The following CNTNAP2 variants were observed in gnomAD, a reference collection of about 807,000 sequenced individuals.
CNTNAP2 encodes contactin-associated protein-like 2.
Under a neutral mutation model 155.2 loss-of-function variants are expected in CNTNAP2, and 98 were observed. The observed-to-expected ratio is 0.63, with a 90% CI of 0.54 to 0.75. CNTNAP2 has a LOEUF of 0.75. Among genes scored for constraint, CNTNAP2 ranks in the 30% least tolerant of loss-of-function variants. CNTNAP2 has a pLI of 0.00. For synonymous variants in CNTNAP2, 651 were observed against 631.2 expected (o/e 1.03, Z -0.47); for missense variants, 1,727 against 1,688.1 (o/e 1.02, Z -0.40).
At chr7:147,068,279 A>G (rs559508329) in intron 4 of CNTNAP2, among the ~76,000 whole-genome samples, 26 of 152,334 alleles carry the variant, frequency 1.7e-4, no homozygotes, top group African/African-American at 6.0e-4. Context: ...TGGCCAATCA[A>G]ACATTAACTT....
At chr7:146,885,751 G>A (rs947565434) in intron 3 of CNTNAP2, among the ~76,000 whole-genome samples, 5 of 152,066 alleles carry the variant, frequency 3.3e-5, no homozygotes, top group African/African-American at 7.2e-5. Flanking sequence ...TTCAATTACC[G>A]TATTGTCTTG....
At chr7:148,238,394 G>T (rs1302159717) in intron 20 of CNTNAP2, among the ~76,000 whole-genome samples, 1 of 152,202 alleles carries the variant, frequency 6.6e-6, no homozygotes, top group Non-Finnish European at 1.5e-5. Flanking sequence ...GTGCTCACAA[G>T]AGACATGATC....
At chr7:146,522,742 A>G (rs1056853588) in intron 1 of CNTNAP2, among the ~76,000 whole-genome samples, 10 of 150,306 alleles carry the variant, frequency 6.7e-5, no homozygotes, top group African/African-American at 2.4e-4. Context: ...ATGCAAAATA[A>G]TATCTATTAT....
At chr7:147,963,065 C>A (rs1801140175) in intron 14 of CNTNAP2, among the ~76,000 whole-genome samples, 1 of 151,972 alleles carries the variant, frequency 6.6e-6, no homozygotes, top group Non-Finnish European at 1.5e-5. Context: ...TATTATTATA[C>A]CACTGCAATA....
intron 1 of CNTNAP2, among the ~76,000 whole-genome samples, chr7:146,340,516 T>C (rs1801364037): frequency 6.6e-6 from 1 of 152,018 alleles, no homozygotes; most frequent in African/African-American, 2.4e-5. Context: ...AATTTAAAAA[T>C]AGTATAAATA....
chr7:148,098,984 G>T (rs867395377), intron 15 of CNTNAP2, among the ~76,000 whole-genome samples: 1 of 152,284 alleles, frequency 6.6e-6, no homozygotes, highest in South Asian at 2.1e-4. Context: ...TGTCCCCTAG[G>T]AATGTCTTAA....
At chr7:146,610,480 A>C (rs1291096166) in intron 1 of CNTNAP2, among the ~76,000 whole-genome samples, 1 of 152,198 alleles carries the variant, frequency 6.6e-6, no homozygotes, top group African/African-American at 2.4e-5. Flanking sequence ...AAGAATGAAA[A>C]TACTAGAGCA....
chr7:146,758,228 G>A lies in CNTNAP2; in HGVS notation c.98-16043G>A, dbSNP rs999391043. Among the ~76,000 whole-genome samples the A allele has an allele frequency of 2.3e-4, 35 of 152,224 alleles. 1 individual carries two copies. Among genetic ancestry groups the A allele is most frequent in the African/African-American group, 8.2e-4 (34 of 41,542 alleles). On this transcript the variant is annotated intron_variant, in intron 1 of 23. Coordinates refer to ENST00000361727, the MANE Select transcript of CNTNAP2 (RefSeq NM_014141.6). ...ACTGACTTTTTGTAGCCTCTGATTA[G>A]TTTCATTTCTGTACCTTTGCTTGTT...
chr7:146,469,458 T>G (rs576433412), intron 1 of CNTNAP2, among the ~76,000 whole-genome samples: 39 of 151,748 alleles, frequency 2.6e-4, no homozygotes, highest in African/African-American at 8.9e-4. Context: ...TCATACATGC[T>G]CTTTCTCTTC....
chr7:147,936,810 T>C (rs1404717063), intron 14 of CNTNAP2, among the ~76,000 whole-genome samples: 2 of 152,194 alleles, frequency 1.3e-5, no homozygotes, highest in East Asian at 1.9e-4. Context: ...GAAAGCACAA[T>C]GGTGACATCC....
At chr7:146,747,632 A>G (rs1801831063) in intron 1 of CNTNAP2, among the ~76,000 whole-genome samples, 1 of 152,186 alleles carries the variant, frequency 6.6e-6, no homozygotes, top group Admixed American at 6.5e-5. Flanking sequence ...GGCAAAGATC[A>G]AAGTAACCCA....
intron 1 of CNTNAP2, among the ~76,000 whole-genome samples, chr7:146,381,261 A>T (rs1795385125): frequency 6.6e-6 from 1 of 152,232 alleles, no homozygotes; most frequent in Non-Finnish European, 1.5e-5. Context: ...CATAGGAAAT[A>T]TCAAATCTAT....
intron 1 of CNTNAP2, among the ~76,000 whole-genome samples, chr7:146,204,439 A>C (rs1798915761): frequency 6.6e-6 from 1 of 152,148 alleles, no homozygotes; most frequent in Non-Finnish European, 1.5e-5. Flanking sequence ...GATGCTTTGC[A>C]TATGTCACAA....
chr7:147,262,823 G>A (rs1804521185), intron 8 of CNTNAP2, among the ~76,000 whole-genome samples: 1 of 152,158 alleles, frequency 6.6e-6, no homozygotes, highest in African/African-American at 2.4e-5. Flanking sequence ...AAAAGACACA[G>A]GGAGAAGGTA....
intron 3 of CNTNAP2, among the ~76,000 whole-genome samples, chr7:146,963,675 A>T (rs1316948899): frequency 6.8e-6 from 1 of 147,614 alleles, no homozygotes; most frequent in Non-Finnish European, 1.5e-5. Flanking sequence ...CATAATAAGT[A>T]AAAAAAAACA....
In CNTNAP2 at chr7:148,419,600, A is replaced by G. The variant is rs1283290320; in HGVS notation, c.*3984A>G. ...AGGCACCCGCCATCACACCCAGCTA[A>G]TTTTTTTTTTTTTTTGTATTATTAG... On this transcript the variant is annotated 3_prime_UTR_variant, in exon 24 of 24. Coordinates refer to ENST00000361727, the MANE Select transcript of CNTNAP2 (RefSeq NM_014141.6). 7.0e-6 allele frequency: 1 copy of G among 142,346 alleles called. No homozygotes were observed. The highest frequency in any genetic ancestry group is 7.0e-5 in the Admixed American group (1 of 14,234). The allele number at this position is 142,346 out of a possible 1,614,324, so 8.8% of individuals were successfully genotyped here.
At chr7:148,051,143 A>C (rs536248807) in intron 15 of CNTNAP2, among the ~76,000 whole-genome samples, 2 of 152,318 alleles carry the variant, frequency 1.3e-5, no homozygotes, top group African/African-American at 2.4e-5. Flanking sequence ...AGTTTGTGAT[A>C]ATTCAATTTT....
At chr7:147,440,086 C>T (rs1797612263) in intron 10 of CNTNAP2, among the ~76,000 whole-genome samples, 1 of 152,094 alleles carries the variant, frequency 6.6e-6, no homozygotes, top group East Asian at 1.9e-4. Flanking sequence ...TAAGTAAAGA[C>T]TTACTCCTGC....
rs60849459 is a variant in CNTNAP2, at chr7:147,949,460, T to TATATATATATATATA, written c.2256-28402_2256-28401insATATATATATATATA. Among the ~76,000 whole-genome samples the TATATATATATATATA allele has an allele frequency of 5.9e-3, 539 of 91,910 alleles. 2 individuals are homozygous for TATATATATATATATA. Among genetic ancestry groups the TATATATATATATATA allele is most frequent in the Non-Finnish European group, 0.012 (402 of 34,772 alleles). 60.3% of individuals were successfully genotyped at this position (91,910 alleles called of 152,430 possible). On this transcript the variant is annotated intron_variant, in intron 14 of 23. Transcript: ENST00000361727. ...TGTGTGTATATATATATATATATATTTTTTTTTTTTAGGTTTATTGCAGGA... is the reference window on the plus strand; with the variant it reads ...TGTGTGTATATATATATATATATATTATATATATATATATATTTTTTTTTTAGGTTTATTGCAGGA...
Sources: allele counts gnomAD v4.1 joint callset (sites outside exome capture counted in the v4.1 genomes callset), GRCh38; gene constraint gnomAD v4.1.1; transcripts MANE v1.5; gene names NCBI Gene and HGNC (gene_info 2026-07-23, HGNC 2026-07-21).